The following POLE2 variants were observed in gnomAD, a reference collection of about 807,000 sequenced individuals.
POLE2 encodes DNA polymerase epsilon subunit 2.
Under a neutral mutation model 79.4 loss-of-function variants are expected in POLE2, and 56 were observed. The ratio of observed to expected loss-of-function variants is 0.71; its 90% CI spans 0.57 to 0.88. The LOEUF (loss-of-function observed/expected upper bound fraction) is 0.88, where lower values mean the gene tolerates loss of function less well. Among genes scored for constraint, POLE2 ranks in the 40% least tolerant of loss-of-function variants. The pLI, the probability that POLE2 is intolerant of heterozygous loss-of-function variation, is 0.00. For missense variants in POLE2, 598 were observed against 638.9 expected, an observed-to-expected ratio of 0.94 and a Z score of 0.69; for synonymous variants, 212 against 214.0, an observed-to-expected ratio of 0.99 and a Z score of 0.08.
chr14:49,648,588 G>C (rs911389442), intron 17 of POLE2, among the ~76,000 whole-genome samples: 8 of 152,166 alleles, frequency 5.3e-5, no homozygotes, highest in African/African-American at 1.9e-4. Context: ...CTTAACCAGG[G>C]TTCCTTTGTC....
chr14:49,647,307 C>G lies in POLE2; in HGVS notation c.1551G>C (p.Lys517Asn), dbSNP rs557169102. The change falls in exon 18 of 19, where the codon AAG (lysine) becomes AAC (asparagine). Residue 517 changes from lysine (K) to asparagine (N), a missense_variant. Lys to Asn is a moderately conservative substitution (Grantham distance 94). Coordinates refer to ENST00000216367, the MANE Select transcript of POLE2 (RefSeq NM_002692.4). ...FSFKVFYPSN[K>N]TVEDSKLQGF is the part of the protein sequence containing the mutation. ...CACACACTTACCTATCTTCTACTGT[C>G]TTATTAGAAGGATAAAAAACTTTGA... is the stretch of plus-strand genomic sequence containing the variant. 2.4e-5 allele frequency: 37 copies of G among 1,551,836 alleles called. No individual in the cohort carries two copies. The highest frequency in any genetic ancestry group is 3.3e-5 in the Non-Finnish European group (37 of 1,136,812).
At chr14:49,655,458 A>AACACACACACACACACAC (rs35575577) in intron 11 of POLE2, among the ~76,000 whole-genome samples, 86 of 143,490 alleles carry the variant, frequency 6.0e-4, no homozygotes, top group African/African-American at 1.9e-3. Context: ...CATGACTATA[A>AACACACACACACACACAC]ACACACACAC....
chr14:49,675,214 AGGTG>A (rs887999897), intron 3 of POLE2, among the ~76,000 whole-genome samples: 2 of 151,178 alleles, frequency 1.3e-5, no homozygotes, highest in Non-Finnish European at 3.0e-5. Flanking sequence ...CCTCCCGAGT[AGGTG>A]GGATTACAGG....
intron 2 of POLE2, among the ~76,000 whole-genome samples, chr14:49,681,146 C>G (rs1034507860): frequency 6.6e-6 from 1 of 152,166 alleles, no homozygotes; most frequent in African/African-American, 2.4e-5. Flanking sequence ...GCCATACCCA[C>G]TTCTATCCTC....
chr14:49,654,949 A>G, intron 12 of POLE2, 56 bp downstream of exon 12: 1 of 1,369,034 alleles, frequency 7.3e-7, no homozygotes, highest in Non-Finnish European at 9.7e-7. Context: ...ATAATTTCTT[A>G]TTACTTTAGT....
chr14:49,674,608 C>CCAGGCTAGAGTGCAATGGTGGGATAT (rs1168579514), intron 3 of POLE2, among the ~76,000 whole-genome samples, 181 bp from the exon 4 acceptor site: 2 of 152,132 alleles, frequency 1.3e-5, no homozygotes, highest in African/African-American at 4.8e-5. Context: ...CTATTGTTCT[C>CCAGGCTAGAGTGCAATGGTGGGATAT]CAGGCTAGAG....
chr14:49,677,559 C>T (rs1886373988), intron 3 of POLE2: 1 of 482,646 alleles, frequency 2.1e-6, no homozygotes, highest in South Asian at 3.1e-5. Context: ...CCCAGCAGTG[C>T]ACCATCTCCT....
At chr14:49,660,366 T>G (rs1410870770) in intron 10 of POLE2, among the ~76,000 whole-genome samples, 1 of 152,188 alleles carries the variant, frequency 6.6e-6, no homozygotes, top group Non-Finnish European at 1.5e-5. Flanking sequence ...TACACAACTG[T>G]ATATACATAT....
At chr14:49,655,535 C>G in intron 11 of POLE2, 136 bp downstream of exon 11, 1 of 648,618 alleles carries the variant, frequency 1.5e-6, no homozygotes, top group South Asian at 2.0e-5. Flanking sequence ...AAAATGAAAT[C>G]TAATTTAAAT....
chr14:49,688,033 C>G, intron 1 of POLE2, 103 bp downstream of exon 1: 1 of 967,350 alleles, frequency 1.0e-6, no homozygotes, highest in Non-Finnish European at 1.6e-6. Context: ...GTCAAGCCCC[C>G]TCTCGGCGCG....
intron 15 of POLE2, among the ~76,000 whole-genome samples, chr14:49,652,105 TGGATG>T: frequency 6.6e-6 from 1 of 151,510 alleles, no homozygotes; most frequent in Non-Finnish European, 1.5e-5. Flanking sequence ...ATCGGGAAGG[TGGATG>T]GGATATGCCT....
At chr14:49,685,439 T>TG (rs1887057369) in intron 1 of POLE2, among the ~76,000 whole-genome samples, 1 of 152,178 alleles carries the variant, frequency 6.6e-6, no homozygotes, top group Non-Finnish European at 1.5e-5. Context: ...GGTTGCATCT[T>TG]GGGACAGTTC....
intron 18 of POLE2, among the ~76,000 whole-genome samples, chr14:49,646,300 T>TG (rs1468978262): frequency 3.0e-5 from 4 of 133,370 alleles, no homozygotes; most frequent in African/African-American, 8.5e-5. Context: ...GTTTTTTTGT[T>TG]GGTTTTTTTT....
chr14:49,660,363 C>G (rs979482166), intron 10 of POLE2, among the ~76,000 whole-genome samples: 1 of 152,054 alleles, frequency 6.6e-6, no homozygotes, highest in African/African-American at 2.4e-5. Flanking sequence ...CAATACACAA[C>G]TGTATATACA....
intron 3 of POLE2, among the ~76,000 whole-genome samples, chr14:49,679,229 T>C (rs1322478402): frequency 1.3e-5 from 2 of 152,092 alleles, no homozygotes; most frequent in Admixed American, 6.6e-5. Context: ...GAAAGAGGGA[T>C]ATTCAGAGAA....
At chr14:49,686,660 T>G (rs1887160741) in intron 1 of POLE2, among the ~76,000 whole-genome samples, 1 of 152,234 alleles carries the variant, frequency 6.6e-6, no homozygotes, top group Non-Finnish European at 1.5e-5. Flanking sequence ...TACAAAGCTC[T>G]TGCTCTCTAT....
At chr14:49,671,947 CTA>C (rs1395842209) in intron 5 of POLE2, among the ~76,000 whole-genome samples, 2 of 152,056 alleles carry the variant, frequency 1.3e-5, no homozygotes. Flanking sequence ...GAGCAAGACT[CTA>C]TATCAAAAAT....
At chr14:49,643,815 ACT>A (rs1417802534) in intron 18 of POLE2, 145 bp from the exon 19 acceptor site, 2 of 394,030 alleles carry the variant, frequency 5.1e-6, no homozygotes, top group Non-Finnish European at 9.2e-6. Context: ...TCAAAAGGAG[ACT>A]CTAAAAAATA....
intron 16 of POLE2, among the ~76,000 whole-genome samples, 191 bp from the exon 17 acceptor site, chr14:49,650,632 A>G (rs1444662385): frequency 1.3e-5 from 2 of 152,126 alleles, no homozygotes; most frequent in Non-Finnish European, 2.9e-5. Flanking sequence ...GTATTTTAGG[A>G]AAAAAAATCT....
Sources: gnomAD v4.1 joint callset for allele counts (sites outside exome capture counted in the v4.1 genomes callset) on GRCh38, gnomAD v4.1.1 for gene constraint, MANE v1.5 for transcripts, NCBI Gene and HGNC (gene_info 2026-07-23, HGNC 2026-07-21) for gene names.